RHEX: variants seen among roughly 807,000 people sequenced by gnomAD.
RHEX encodes regulator of hemoglobinization and erythroid cell expansion protein.
Under a neutral mutation model 20.1 loss-of-function variants are expected in RHEX, and 18 were observed. That is an observed-to-expected ratio of 0.90 (90% confidence interval 0.62 to 1.33). The LOEUF (loss-of-function observed/expected upper bound fraction) is 1.33. Ranked by LOEUF, RHEX falls within the 40% of genes most tolerant of loss-of-function variation. The pLI is 0.00. For missense variants in RHEX, 192 were observed against 214.3 expected, an observed-to-expected ratio of 0.90 and a Z score of 0.65; for synonymous variants, 87 against 77.1, an observed-to-expected ratio of 1.13 and a Z score of -0.67.
At chr1:206,077,439 A>G (rs1662655314) in intron 1 of RHEX, among the ~76,000 whole-genome samples, 1 of 152,188 alleles carries the variant, frequency 6.6e-6, no homozygotes, top group Admixed American at 6.5e-5. Context: ...AATGGTGACC[A>G]TCAAGATGAC....
At chr1:206,077,017 T>C (rs1662646806) in intron 1 of RHEX, among the ~76,000 whole-genome samples, 1 of 152,236 alleles carries the variant, frequency 6.6e-6, no homozygotes, top group South Asian at 2.1e-4. Flanking sequence ...GTTTGTGGCA[T>C]GGATAAATGC....
At chr1:206,095,268 A>G (rs2102327889) in intron 1 of RHEX, among the ~76,000 whole-genome samples, 1 of 152,330 alleles carries the variant, frequency 6.6e-6, no homozygotes, top group South Asian at 2.1e-4. Flanking sequence ...TCAAATCACT[A>G]AAGCACTTCA....
At chr1:206,062,982 G>A (rs1662334516) in intron 1 of RHEX, among the ~76,000 whole-genome samples, 1 of 152,140 alleles carries the variant, frequency 6.6e-6, no homozygotes, top group Non-Finnish European at 1.5e-5. Context: ...AATGTCAGAT[G>A]GTGGGATGTG....
intron 1 of RHEX, among the ~76,000 whole-genome samples, chr1:206,075,458 C>T (rs960650466): frequency 2.0e-5 from 3 of 152,170 alleles, no homozygotes; most frequent in Admixed American, 6.5e-5. Flanking sequence ...GAATATTCAA[C>T]AGGCTGGCGG....
intron 1 of RHEX, among the ~76,000 whole-genome samples, chr1:206,084,853 A>G (rs1662807672): frequency 1.3e-5 from 2 of 152,230 alleles, no homozygotes; most frequent in Admixed American, 6.5e-5. Context: ...TAGTCTGCAC[A>G]GGTTACAAGT....
At chr1:206,063,661 C>A (rs1450603193) in intron 1 of RHEX, among the ~76,000 whole-genome samples, 1 of 152,276 alleles carries the variant, frequency 6.6e-6, no homozygotes, top group African/African-American at 2.4e-5. Context: ...CCCGAGGTGC[C>A]GGGATTGCAG....
chr1:206,093,471 A>G (rs1011401788), intron 1 of RHEX, among the ~76,000 whole-genome samples: 5 of 152,062 alleles, frequency 3.3e-5, no homozygotes, highest in African/African-American at 1.2e-4. Flanking sequence ...GGGTTTCACC[A>G]TCTTGGCCAG....
intron 1 of RHEX, among the ~76,000 whole-genome samples, chr1:206,092,064 TTCTC>T (rs542509735): frequency 3.3e-5 from 5 of 151,482 alleles, no homozygotes; most frequent in East Asian, 1.9e-4. Flanking sequence ...CTCTCTCTCT[TTCTC>T]TCTCTTTCTT....
intron 1 of RHEX, among the ~76,000 whole-genome samples, chr1:206,071,171 C>T (rs1662521883): frequency 6.6e-6 from 1 of 152,094 alleles, no homozygotes; most frequent in African/African-American, 2.4e-5. Context: ...CCCCTGGCGC[C>T]CTACTGGTAT....
chr1:206,068,655 T>C (rs1662473869), intron 1 of RHEX, among the ~76,000 whole-genome samples: 1 of 152,220 alleles, frequency 6.6e-6, no homozygotes. Context: ...CTAAAGATGC[T>C]ACAGTTCAAG....
In RHEX at chr1:206,067,207, T is replaced by C. The variant is rs546020431; in HGVS notation, c.-97+13942T>C. 1.3e-5 allele frequency among the ~76,000 whole-genome samples: 2 copies of C among 152,156 alleles called. No homozygotes were observed. Among genetic ancestry groups the C allele is most frequent in the Non-Finnish European group, 2.9e-5 (2 of 68,026 alleles). On this transcript the variant is annotated intron_variant, in intron 1 of 5. Transcript: ENST00000331555. The surrounding 1 kb of genome is among the most constrained non-coding windows in gnomAD (Gnocchi z 4.6). Reference sequence around the variant, plus strand: ...ATCAAAGCCAGGGAAACTTAAAGTTTTTCTGGGTGATCTGGGCCAAGAGGG... The same window carrying C: ...ATCAAAGCCAGGGAAACTTAAAGTTCTTCTGGGTGATCTGGGCCAAGAGGG...
intron 1 of RHEX, among the ~76,000 whole-genome samples, chr1:206,090,707 T>C (rs1328773603): frequency 1.3e-5 from 2 of 152,094 alleles, no homozygotes; most frequent in Non-Finnish European, 2.9e-5. Context: ...TATGAGTTTG[T>C]CTTTCATGTC....
rs563427212 is a variant in RHEX, at chr1:206,098,158, A to G, written c.89A>G (p.Asn30Ser). 1.2e-5 allele frequency: 20 copies of G among 1,613,508 alleles called. No individual in the cohort carries two copies. Among genetic ancestry groups the G allele is most frequent in the Non-Finnish European group, 1.7e-5 (20 of 1,179,608 alleles). The change falls in exon 3 of 6, where the codon AAC (asparagine) becomes AGC (serine). Residue 30 changes from asparagine to serine, a missense_variant. By Grantham distance (46) the Asn-to-Ser change is conservative (BLOSUM62 1). Coordinates refer to ENST00000331555, the MANE Select transcript of RHEX (RefSeq NM_001007544.4). ...CAGGCCTGCTTCCTCACCGCCATCA[A>G]CTACCTGCTCAGCAGGCACATGGGT... is the stretch of plus-strand genomic sequence containing the variant. ...FLQACFLTAI[N>S]YLLSRHMAHK...
chr1:206,089,809 T>C (rs926434760), intron 1 of RHEX, among the ~76,000 whole-genome samples: 1 of 152,128 alleles, frequency 6.6e-6, no homozygotes, highest in African/African-American at 2.4e-5. Context: ...CTATTTTTCA[T>C]GTATTTCTTT....
At chr1:206,079,961 A>T (rs1374899224) in intron 1 of RHEX, among the ~76,000 whole-genome samples, 1 of 152,238 alleles carries the variant, frequency 6.6e-6, no homozygotes, top group Non-Finnish European at 1.5e-5. Flanking sequence ...GTGAAGACAG[A>T]AAAGAAAGCA....
At chr1:206,058,207 A>G (rs1259436557) in intron 1 of RHEX, among the ~76,000 whole-genome samples, 1 of 152,272 alleles carries the variant, frequency 6.6e-6, no homozygotes, top group African/African-American at 2.4e-5. Flanking sequence ...TCTTATAATA[A>G]GAGTAATAAT....
chr1:206,061,285 C>G (rs530002626), intron 1 of RHEX: 1 of 152,288 alleles, frequency 6.6e-6, no homozygotes, highest in East Asian at 1.9e-4. Flanking sequence ...CAGCAAACAA[C>G]CAAGTAAAGA....
intron 1 of RHEX, among the ~76,000 whole-genome samples, chr1:206,072,983 G>A (rs1264353998): frequency 1.3e-5 from 2 of 151,820 alleles, no homozygotes; most frequent in Non-Finnish European, 1.5e-5. Flanking sequence ...GACTATAAGC[G>A]TGCACTACCA....
rs559218047 is a variant in RHEX, at chr1:206,087,008, A to G, written c.-96-10725A>G. Among the ~76,000 whole-genome samples the G allele has an allele frequency of 2.0e-5, 3 of 152,254 alleles. No individual in the cohort carries two copies. In the South Asian group the frequency reaches 6.2e-4, roughly 32 times the overall value. ...TGGGCAACAGAGCAAGACCCTGTCT[A>G]AAGAAAAGAAAAACCCACAAAACAG... On this transcript the variant is annotated intron_variant, in intron 1 of 5. Transcript: ENST00000331555.
Sources: gnomAD v4.1 joint callset for allele counts (sites outside exome capture counted in the v4.1 genomes callset) on GRCh38, gnomAD v4.1.1 for gene constraint, Gnocchi (gnomAD v3.1) non-coding constraint, MANE v1.5 for transcripts, NCBI Gene and HGNC (gene_info 2026-07-23, HGNC 2026-07-21) for gene names.